The following RIF1 variants were observed in gnomAD, a reference collection of about 807,000 sequenced individuals.
RIF1 encodes the protein telomere-associated protein RIF1.
In RIF1, 45 loss-of-function variants were observed where a neutral mutation model predicts 247.1. The ratio of observed to expected loss-of-function variants is 0.18; its 90% CI spans 0.14 to 0.23. The LOEUF (loss-of-function observed/expected upper bound fraction) is 0.23. Among genes scored for constraint, RIF1 ranks in the 10% least tolerant of loss-of-function variants. The pLI is 1.00. For missense variants in RIF1, 2,967 were observed against 2,862.5 expected, an observed-to-expected ratio of 1.04 and a Z score of -0.83; for synonymous variants, 1,087 against 978.8, an observed-to-expected ratio of 1.11 and a Z score of -2.06.
At chr2:151,528,164 C>T in the RIF1 span, among the ~76,000 whole-genome samples, 7 of 152,172 alleles carry the variant, frequency 4.6e-5, no homozygotes, top group African/African-American at 1.7e-4. Flanking sequence ...TGCAGAGGGG[C>T]TTGCATGCTT....
chr2:151,452,744 C>T (rs987320210), intron 21 of RIF1, among the ~76,000 whole-genome samples: 2 of 152,188 alleles, frequency 1.3e-5, no homozygotes, highest in African/African-American at 4.8e-5. Context: ...GATTATATAA[C>T]AGATGATGTC....
Position 151,463,700 on chromosome 2 carries a change from T to C in RIF1, c.4180T>C (p.Ser1394Pro), listed in dbSNP as rs370921071. 26 of 1,613,906 alleles carry C rather than the reference T, an allele frequency of 1.6e-5. No individual in the cohort carries two copies. Among genetic ancestry groups the C allele is most frequent in the Middle Eastern group, 3.3e-4 (2 of 6,062 alleles). ...SKENTPPVVI[S>P]ADQMVNEDSQ... Reference sequence around the variant, plus strand: ...AGAGAATACACCCCCAGTAGTAATATCAGCAGATCAAATGGTAAATGAGGA... The same window carrying C: ...AGAGAATACACCCCCAGTAGTAATACCAGCAGATCAAATGGTAAATGAGGA... The change falls in exon 30 of 36, where the codon TCA becomes CCA. Residue 1394 changes from serine to proline, a missense_variant. By Grantham distance (74) the Ser-to-Pro change is moderately conservative. Coordinates refer to ENST00000444746, the MANE Select transcript of RIF1 (RefSeq NM_018151.5).
At chr2:151,456,522 AT>A in intron 22 of RIF1, 55 bp from the exon 23 acceptor site, 1 of 892,274 alleles carries the variant, frequency 1.1e-6, no homozygotes, top group South Asian at 1.5e-5. Flanking sequence ...AGCTTGATAG[AT>A]AGTACAGTGT....
Position 151,443,640 on chromosome 2 carries a change from G to A in RIF1, c.1917G>A (p.Leu639=), listed in dbSNP as rs1692744092. The part of the protein sequence containing the change: ...LNVINQNAKQ[L]ENKEHLWKMW... Reference sequence around the variant, plus strand: ...TTATTAATCAAAATGCAAAGCAGTTGGAAAATAAGGAGCATCTCTGGAAAA... The same window carrying A: ...TTATTAATCAAAATGCAAAGCAGTTAGAAAATAAGGAGCATCTCTGGAAAA... Residue 639 remains leucine, a synonymous_variant, in exon 18 of 36, where the codon TTG becomes TTA. Coordinates refer to ENST00000444746, the MANE Select transcript of RIF1 (RefSeq NM_018151.5). 6 of 1,611,476 alleles carry A rather than the reference G, an allele frequency of 3.7e-6. No homozygotes were observed. Among genetic ancestry groups the A allele is most frequent in the Non-Finnish European group, 5.1e-6 (6 of 1,179,220 alleles).
At position 151,490,430 on chromosome 2, in the gene RIF1, T is replaced by C. The variant is rs576696191; in HGVS notation, c.*416-4799T>C. Reference sequence around the variant, plus strand: ...AAGTCGAAAGGTGGTGGTCTGGTGCTTCTGAATGCTCAGACTTCTCCTCAC... The same window carrying C: ...AAGTCGAAAGGTGGTGGTCTGGTGCCTCTGAATGCTCAGACTTCTCCTCAC... On this transcript the variant is annotated intron_variant and NMD_transcript_variant, in intron 9 of 13. Transcript: ENST00000454583. 1.6e-5 allele frequency: 26 copies of C among 1,602,856 alleles called. No individual in the cohort carries two copies. Among genetic ancestry groups the C allele is most frequent in the Admixed American group, 1.5e-4 (9 of 58,882 alleles).
chr2:151,421,110 T>A (rs1179429670), intron 7 of RIF1, among the ~76,000 whole-genome samples: 1 of 152,228 alleles, frequency 6.6e-6, no homozygotes, highest in African/African-American at 2.4e-5. Context: ...TTCTAACATA[T>A]TTACTGGGCA....
rs1360438978 is a variant in RIF1, at chr2:151,435,391, A to G, written c.1078-72A>G. ...ATTAAGGCTCCATTTAATGAAATTTATATTATGTGAGGCTTTTAAAAACTG... is the reference window on the plus strand; with the variant it reads ...ATTAAGGCTCCATTTAATGAAATTTGTATTATGTGAGGCTTTTAAAAACTG... On this transcript the variant is annotated intron_variant, in intron 10 of 35. Transcript: ENST00000444746. 3 of 838,892 alleles carry G rather than the reference A, an allele frequency of 3.6e-6. No individual in the cohort carries two copies. In the East Asian group the frequency reaches 7.4e-5, roughly 21 times the overall value. The allele number at this position is 838,892 out of a possible 1,614,324, so 52.0% of individuals were successfully genotyped here. A position where few individuals can be genotyped will look rare whatever the true frequency, so the allele number is the denominator to read the frequency against.
intron 3 of RIF1, 131 bp downstream of exon 3, chr2:151,411,469 C>T: frequency 8.7e-6 from 5 of 574,072 alleles, no homozygotes; most frequent in Non-Finnish European, 1.2e-5. Context: ...CAGGCTCGGG[C>T]TCGGCTCACT....
intron 14 of RIF1, among the ~76,000 whole-genome samples, chr2:151,439,059 T>C (rs562272299): frequency 5.0e-4 from 76 of 152,322 alleles, no homozygotes; most frequent in African/African-American, 1.8e-3. Flanking sequence ...TTATACGTTA[T>C]GTGCATTATA....
At chr2:151,507,350 C>G (rs929960769) in intron 13 of RIF1, among the ~76,000 whole-genome samples, 1 of 152,158 alleles carries the variant, frequency 6.6e-6, no homozygotes, top group Non-Finnish European at 1.5e-5. Flanking sequence ...TACACTACCC[C>G]AAAATAATGG....
intron 11 of RIF1, among the ~76,000 whole-genome samples, chr2:151,502,153 T>C (rs1374975831): frequency 6.6e-6 from 1 of 152,164 alleles, no homozygotes; most frequent in Non-Finnish European, 1.5e-5. Context: ...CTCACTGATA[T>C]GTGGGAACTA....
At chr2:151,489,333 T>C (rs1026035957) in intron 9 of RIF1, among the ~76,000 whole-genome samples, 8 of 152,198 alleles carry the variant, frequency 5.3e-5, no homozygotes, top group Non-Finnish European at 1.2e-4. Flanking sequence ...GCTTACCATT[T>C]CTATATATAT....
intron 27 of RIF1, 75 bp from the exon 28 acceptor site, chr2:151,462,167 C>A: frequency 2.8e-6 from 3 of 1,067,438 alleles, no homozygotes; most frequent in South Asian, 3.5e-5. Flanking sequence ...GCCACCGTAC[C>A]TGGCCATAAG....
intron 11 of RIF1, among the ~76,000 whole-genome samples, chr2:151,502,387 TAAAAA>T (rs34816284): frequency 6.9e-6 from 1 of 145,454 alleles, no homozygotes; most frequent in Non-Finnish European, 1.5e-5. Context: ...CATCTAAACA[TAAAAA>T]AAAAAAAACT....
At chr2:151,482,918 G>A (rs1574220749), downstream of RIF1, among the ~76,000 whole-genome samples, 2 of 152,014 alleles carry the variant, frequency 1.3e-5, no homozygotes, top group Admixed American at 6.6e-5. Flanking sequence ...GACAGGTAGA[G>A]GTATTTCCCC....
chr2:151,442,323 C>T (rs1356385560), intron 16 of RIF1, among the ~76,000 whole-genome samples: 1 of 150,904 alleles, frequency 6.6e-6, no homozygotes, highest in African/African-American at 2.4e-5. Context: ...ATCCCTCCGC[C>T]TTGCTCTTCC....
At chr2:151,437,049 G>C in intron 12 of RIF1, 46 bp downstream of exon 12, 1 of 1,510,032 alleles carries the variant, frequency 6.6e-7, no homozygotes, top group Non-Finnish European at 9.0e-7. Flanking sequence ...AAACAGTCTA[G>C]GACTTAATGC....
At chr2:151,496,515 A>G (rs2060279254) in intron 10 of RIF1, 1 of 1,439,712 alleles carries the variant, frequency 6.9e-7, no homozygotes, top group Non-Finnish European at 9.3e-7. Flanking sequence ...GCCACCAGCT[A>G]CTTTAGTGGA....
intron 13 of RIF1, chr2:151,507,204 T>C (rs1299365318): frequency 1.9e-6 from 1 of 538,362 alleles, no homozygotes; most frequent in Non-Finnish European, 3.3e-6. Context: ...TTAAAAAACA[T>C]ATAAAGCTAG....
Sources: allele counts gnomAD v4.1 joint callset (sites outside exome capture counted in the v4.1 genomes callset), GRCh38; gene constraint gnomAD v4.1.1; transcripts MANE v1.5; gene names NCBI Gene and HGNC (gene_info 2026-07-23, HGNC 2026-07-21).